The following POLR1G variants were observed in gnomAD, a reference collection of about 807,000 sequenced individuals.
POLR1G encodes DNA-directed RNA polymerase I subunit RPA34.
A neutral mutation model predicts 6.3 loss-of-function variants in POLR1G; 9 were observed. That is an observed-to-expected ratio of 1.44 (90% CI 0.87 to 2.51). The LOEUF (loss-of-function observed/expected upper bound fraction) is 2.51, where lower values mean the gene tolerates loss of function less well. Among genes scored for constraint, POLR1G ranks in the 30% most tolerant of loss-of-function variants. POLR1G has a pLI of 0.00. For missense variants in POLR1G, 617 were observed against 632.5 expected (o/e 0.98, Z 0.26); for synonymous variants, 248 against 256.5 (o/e 0.97, Z 0.32).
At chr19:45,407,601 T>C (rs1031636605) in intron 2 of POLR1G, 5 of 289,854 alleles carry the variant, frequency 1.7e-5, no homozygotes, top group Non-Finnish European at 2.6e-5. Context: ...CATTTGGACA[T>C]TCTGCAGGCT....
Position 45,410,368 on chromosome 19 carries a change from G to C in POLR1G, c.*867G>C, listed in dbSNP as rs1973640770. On this transcript the variant is annotated 3_prime_UTR_variant, in exon 3 of 3. Transcript: ENST00000309424. ...CCGGCTAATTTTTGTATTTTTAGTA[G>C]AGACAGGGGTTTCACCATATTGGCC... is the stretch of plus-strand genomic sequence containing the variant. 1 of 151,858 alleles carries C rather than the reference G, an allele frequency of 6.6e-6. No individual in the cohort carries two copies. The highest frequency in any genetic ancestry group is 1.5e-5 in the Non-Finnish European group (1 of 68,042). 9.4% of individuals were successfully genotyped at this position (151,858 alleles called of 1,614,324 possible).
In POLR1G at chr19:45,409,519, G is replaced by A. The variant is rs1447421671; in HGVS notation, c.*18G>A. ...CTGTGTAGTCTGCCCCCGGGAAACTGAGGAACTAAAGAAAGCTGAAGGTGC... is the reference window on the plus strand; with the variant it reads ...CTGTGTAGTCTGCCCCCGGGAAACTAAGGAACTAAAGAAAGCTGAAGGTGC... On this transcript the variant is annotated 3_prime_UTR_variant, in exon 3 of 3. Transcript: ENST00000309424. 6.3e-7 allele frequency: 1 copy of A among 1,591,736 alleles called. No homozygotes were observed. Among genetic ancestry groups the A allele is most frequent in the Non-Finnish European group, 8.5e-7 (1 of 1,169,946 alleles).
chr19:45,409,281 T>C lies in POLR1G; in HGVS notation c.1313T>C (p.Ile438Thr), dbSNP rs1973539509. 14 of 1,613,226 alleles carry C rather than the reference T, an allele frequency of 8.7e-6. No individual in the cohort carries two copies. In the East Asian group the frequency reaches 3.1e-4, roughly 36 times the overall value. ...KERGHTVTEP[I>T]QPLEPELPGE... ...AGAGGTCACACAGTGACTGAGCCAA[T>C]TCAGCCACTAGAGCCTGAACTGCCA... is the stretch of plus-strand genomic sequence containing the variant. The change falls in exon 3 of 3, where the codon ATT becomes ACT. Residue 438 changes from isoleucine (I) to threonine (T), a missense_variant. By Grantham distance (89) the Ile-to-Thr change is moderately conservative. Coordinates refer to ENST00000309424, the MANE Select transcript of POLR1G (RefSeq NM_012099.3).
chr19:45,408,941 C>T lies in POLR1G; in HGVS notation c.973C>T (p.Pro325Ser), dbSNP rs769915095. 5 of 1,614,012 alleles carry T rather than the reference C, an allele frequency of 3.1e-6. No homozygotes were observed. Among genetic ancestry groups the T allele is most frequent in the South Asian group, 1.1e-5 (1 of 91,084 alleles). Residue 325 changes from proline (P) to serine (S), a missense_variant, in exon 3 of 3, where the codon CCC (proline) becomes TCC (serine). Pro to Ser is a moderately conservative substitution (Grantham distance 74). Transcript: ENST00000309424. The stretch of plus-strand genomic sequence containing the variant: ...GCCACTGGAGGAAGCCATCCCTCTG[C>T]CCCCTACGAAGAAGAGGAAAAAAGA... ...VEPLEEAIPL[P>S]PTKKRKKEKG...
In POLR1G at chr19:45,408,947, A is replaced by G. The variant is rs1018947921; in HGVS notation, c.979A>G (p.Thr327Ala). ...PLEEAIPLPP[T>A]KKRKKEKGQM... ...GGAGGAAGCCATCCCTCTGCCCCCT[A>G]CGAAGAAGAGGAAAAAAGAAAAGGG... Residue 327 changes from threonine to alanine, a missense_variant, in exon 3 of 3, where the codon ACG becomes GCG. Physicochemically the swap from Thr to Ala is moderately conservative, Grantham distance 58. Transcript: ENST00000309424. 1.2e-6 allele frequency: 2 copies of G among 1,614,080 alleles called. No homozygotes were observed. Among genetic ancestry groups the G allele is most frequent in the Non-Finnish European group, 1.7e-6 (2 of 1,179,996 alleles).
chr19:45,407,039 C>T, intron 1 of POLR1G, 55 bp from the exon 2 acceptor site: 1 of 1,551,944 alleles, frequency 6.4e-7, no homozygotes, highest in African/African-American at 1.4e-5. Context: ...GCGCGCCCTG[C>T]AAGATTGGAC....
chr19:45,406,689 G>T lies in POLR1G; in HGVS notation c.-8G>T. ...GGCTACAGGGTTGCCTGAGGTGTGGGTCCCAGGATGGAGGAGCCCCAGGCC... is the reference window on the plus strand; with the variant it reads ...GGCTACAGGGTTGCCTGAGGTGTGGTTCCCAGGATGGAGGAGCCCCAGGCC... On this transcript the variant is annotated 5_prime_UTR_variant, in exon 1 of 3. Transcript: ENST00000309424. This position sits in a 1 kb window ranked among gnomAD's most constrained non-coding sequence, Gnocchi z 4.2. 6.5e-7 allele frequency: 1 copy of T among 1,542,728 alleles called. No individual in the cohort carries two copies. The highest frequency in any genetic ancestry group is 8.7e-7 in the Non-Finnish European group (1 of 1,144,422).
At position 45,407,212 on chromosome 19, in the gene POLR1G, C is replaced by T. The variant is rs1237770950; in HGVS notation, c.141C>T (p.Ala47=). 5 of 1,612,672 alleles carry T rather than the reference C, an allele frequency of 3.1e-6. No homozygotes were observed. Among genetic ancestry groups the T allele is most frequent in the South Asian group, 2.2e-5 (2 of 90,886 alleles). ...GPDTELWLIQ[A]PADFAPECFN... is the part of the protein sequence containing the mutation. ...ATACGGAGCTGTGGCTTATTCAGGC[C>T]CCTGCAGACTTTGCCCCAGAATGGT... The change falls in exon 2 of 3, where the codon GCC becomes GCT. Residue 47 remains alanine, a synonymous_variant. Transcript: ENST00000309424.
At position 45,408,630 on chromosome 19, in the gene POLR1G, T is replaced by C; in HGVS notation, c.662T>C (p.Leu221Pro). The change falls in exon 3 of 3, where the codon CTG becomes CCG. Residue 221 changes from leucine to proline, a missense_variant. Leu to Pro is a moderately conservative substitution (Grantham distance 98). Coordinates refer to ENST00000309424, the MANE Select transcript of POLR1G (RefSeq NM_012099.3). ...AAGAAGAAGAAAAAAAATCAGCAGC[T>C]GAAAGAACCAGAGGCAGCAGGGCCT... is the stretch of plus-strand genomic sequence containing the variant. ...RKKKKKKNQQ[L>P]KEPEAAGPVG... 2 of 1,612,284 alleles carry C rather than the reference T, an allele frequency of 1.2e-6. No individual in the cohort carries two copies. Among genetic ancestry groups the C allele is most frequent in the Non-Finnish European group, 1.7e-6 (2 of 1,179,640 alleles).
At position 45,407,991 on chromosome 19, in the gene POLR1G, T is replaced by C. The variant is rs990425265; in HGVS notation, c.165-142T>C. 4.6e-6 allele frequency: 5 copies of C among 1,094,520 alleles called. No individual in the cohort carries two copies. In the African/African-American group the frequency reaches 7.8e-5, roughly 17 times the overall value. The allele number at this position is 1,094,520 out of a possible 1,614,324, so 67.8% of individuals were successfully genotyped here. A position where few individuals can be genotyped will look rare whatever the true frequency, so the allele number is the denominator to read the frequency against. ...ATCGCTTGAACCCAGGAGGTGGACA[T>C]TGCAGTGAGCCGAGATCATGCCACT... On this transcript the variant is annotated intron_variant, in intron 2 of 2. Coordinates refer to ENST00000309424, the MANE Select transcript of POLR1G (RefSeq NM_012099.3).
At position 45,410,198 on chromosome 19, in the gene POLR1G, T is replaced by A. The variant is rs12984194; in HGVS notation, c.*697T>A. On this transcript the variant is annotated 3_prime_UTR_variant, in exon 3 of 3. Coordinates refer to ENST00000309424, the MANE Select transcript of POLR1G (RefSeq NM_012099.3). ...CTGCGCCTGGCTAAGTTATTATTAT[T>A]TTTTTGAGACAGTCTCCTGGTGTCA... The A allele has an allele frequency of 0.19, 28,323 of 151,450 alleles. 2,849 individuals are homozygous for A. The highest frequency in any genetic ancestry group is 0.22 in the Non-Finnish European group (15,153 of 68,402). The allele number at this position is 151,450 out of a possible 1,614,324, so 9.4% of individuals were successfully genotyped here. A position where few individuals can be genotyped will look rare whatever the true frequency, so the allele number is the denominator to read the frequency against.
chr19:45,407,017 A>G, intron 1 of POLR1G, 77 bp from the exon 2 acceptor site: 9 of 1,531,808 alleles, frequency 5.9e-6, no homozygotes, highest in Middle Eastern at 1.8e-4. Context: ...GTTAAGACCA[A>G]TGGACCGATA....
Position 45,408,363 on chromosome 19 carries a change from C to G in POLR1G, c.395C>G (p.Pro132Arg). 1.9e-6 allele frequency: 3 copies of G among 1,607,974 alleles called. No homozygotes were observed. Among genetic ancestry groups the G allele is most frequent in the Non-Finnish European group, 2.6e-6 (3 of 1,175,794 alleles). Reference protein sequence around the residue: ...QQSLSGSPLQPIPASPPPQIP... With the variant: ...QQSLSGSPLQRIPASPPPQIP... Reference sequence around the variant, plus strand: ...TCCCTGTCAGGGAGCCCTCTGCAGCCCATCCCAGCAAGTCCCCCACCACAG... The same window carrying G: ...TCCCTGTCAGGGAGCCCTCTGCAGCGCATCCCAGCAAGTCCCCCACCACAG... The change falls in exon 3 of 3, where the codon CCC becomes CGC. Residue 132 changes from proline to arginine, a missense_variant. Physicochemically the swap from Pro to Arg is moderately radical, Grantham distance 103. Coordinates refer to ENST00000309424, the MANE Select transcript of POLR1G (RefSeq NM_012099.3).
At position 45,409,892 on chromosome 19, in the gene POLR1G, A is replaced by ATTTTTTTTTTTTTTTTTTTT. The variant is rs200386912; in HGVS notation, c.*393_*394insTTTTTTTTTTTTTTTTTTTT. 4 of 203,776 alleles carry ATTTTTTTTTTTTTTTTTTTT rather than the reference A, an allele frequency of 2.0e-5. No individual in the cohort carries two copies. Among genetic ancestry groups the ATTTTTTTTTTTTTTTTTTTT allele is most frequent in the South Asian group, 2.0e-4 (1 of 4,936 alleles). The allele number at this position is 203,776 out of a possible 1,614,324, so 12.6% of individuals were successfully genotyped here. ...ATCTTTTTAAGTTATTATTATTATT[A>ATTTTTTTTTTTTTTTTTTTT]TTATTTTTTTTTTTTTTGAGATGGA... On this transcript the variant is annotated 3_prime_UTR_variant, in exon 3 of 3. Transcript: ENST00000309424.
rs760576094 is a variant in POLR1G, at chr19:45,407,208, A to G, written c.137A>G (p.Gln46Arg). The change falls in exon 2 of 3, where the codon CAG (glutamine) becomes CGG (arginine). Residue 46 changes from glutamine to arginine, a missense_variant. Gln to Arg is a conservative substitution (Grantham distance 43, BLOSUM62 1). Coordinates refer to ENST00000309424, the MANE Select transcript of POLR1G (RefSeq NM_012099.3). ...CCAGATACGGAGCTGTGGCTTATTC[A>G]GGCCCCTGCAGACTTTGCCCCAGAA... ...TGPDTELWLIQAPADFAPECF... is the reference protein window; with the variant it reads ...TGPDTELWLIRAPADFAPECF... The G allele has an allele frequency of 3.7e-6, 6 of 1,612,436 alleles. No homozygotes were observed. The highest frequency in any genetic ancestry group is 5.1e-6 in the Non-Finnish European group (6 of 1,179,604).
chr19:45,407,952 G>A lies in POLR1G; in HGVS notation c.165-181G>A. 6 of 727,520 alleles carry A rather than the reference G, an allele frequency of 8.2e-6. No individual in the cohort carries two copies. In the South Asian group the frequency reaches 1.3e-4, roughly 16 times the overall value. 45.1% of individuals were successfully genotyped at this position (727,520 alleles called of 1,614,324 possible). A position where few individuals can be genotyped will look rare whatever the true frequency, so the allele number is the denominator to read the frequency against. On this transcript the variant is annotated intron_variant, in intron 2 of 2. Transcript: ENST00000309424. ...GCCTGTAATCCCAGCTACTTGAGAG[G>A]CTGAGGCAGGAGAATCGCTTGAACC...
In POLR1G at chr19:45,409,275, A is replaced by C; in HGVS notation, c.1307A>C (p.Glu436Ala). ...KKKERGHTVT[E>A]PIQPLEPELP... is the part of the protein sequence containing the mutation. ...AAAGAGAGAGGTCACACAGTGACTG[A>C]GCCAATTCAGCCACTAGAGCCTGAA... The change falls in exon 3 of 3, where the codon GAG becomes GCG. Residue 436 changes from glutamate (E) to alanine (A), a missense_variant. Glu to Ala is a moderately radical substitution (Grantham distance 107, BLOSUM62 -1). Transcript: ENST00000309424. The C allele has an allele frequency of 6.2e-7, 1 of 1,613,958 alleles. No individual in the cohort carries two copies. Among genetic ancestry groups the C allele is most frequent in the Non-Finnish European group, 8.5e-7 (1 of 1,179,896 alleles).
rs1321776782 is a variant in POLR1G, at chr19:45,409,305, C to A, written c.1337C>A (p.Pro446Gln). 1 of 1,613,840 alleles carries A rather than the reference C, an allele frequency of 6.2e-7. No homozygotes were observed. The highest frequency in any genetic ancestry group is 8.5e-7 in the Non-Finnish European group (1 of 1,180,006). ...ATTCAGCCACTAGAGCCTGAACTGC[C>A]AGGGGAGGGACAGCCTGAAGCCAGG... Reference protein sequence around the residue: ...EPIQPLEPELPGEGQPEARAT... With the variant: ...EPIQPLEPELQGEGQPEARAT... Residue 446 changes from proline (P) to glutamine (Q), a missense_variant, in exon 3 of 3, where the codon CCA (proline) becomes CAA (glutamine). Physicochemically the swap from Pro to Gln is moderately conservative, Grantham distance 76 (BLOSUM62 -1). Transcript: ENST00000309424.
rs3212985 is a variant in POLR1G, at chr19:45,409,828, C to G, written c.*327C>G. 0.19 allele frequency: 132,069 copies of G among 706,458 alleles called. 14,092 individuals carry two copies. Among genetic ancestry groups the G allele is most frequent in the Middle Eastern group, 0.24 (656 of 2,710 alleles). The allele number at this position is 706,458 out of a possible 1,614,324, so 43.8% of individuals were successfully genotyped here. On this transcript the variant is annotated 3_prime_UTR_variant, in exon 3 of 3. Coordinates refer to ENST00000309424, the MANE Select transcript of POLR1G (RefSeq NM_012099.3). ...GGTTCTTTATTTTCCCCTATACCCT[C>G]AAGCATTTATCCATTGAGTTACAAA...
Sources: allele counts gnomAD v4.1 joint callset, GRCh38; gene constraint gnomAD v4.1.1; non-coding constraint Gnocchi (gnomAD v3.1); transcripts MANE v1.5; gene names NCBI Gene and HGNC (gene_info 2026-07-23, HGNC 2026-07-21).